The following ZBBX variants were observed in gnomAD, a reference collection of about 807,000 sequenced individuals.
ZBBX encodes the protein zinc finger B-box domain-containing protein 1.
In ZBBX, 101 loss-of-function variants were observed where a neutral mutation model predicts 108.5. The ratio of observed to expected loss-of-function variants is 0.93; its 90% CI spans 0.79 to 1.10. The LOEUF (loss-of-function observed/expected upper bound fraction) is 1.10. Ranked by LOEUF, ZBBX falls within the 50% of genes least tolerant of loss-of-function variation. The pLI is 0.00. For missense variants in ZBBX, 1,009 were observed against 941.4 expected, an observed-to-expected ratio of 1.07 and a Z score of -0.94; for synonymous variants, 356 against 323.4, an observed-to-expected ratio of 1.10 and a Z score of -1.08.
intron 17 of ZBBX, among the ~76,000 whole-genome samples, chr3:167,303,063 T>G (rs1732998887): frequency 6.6e-6 from 1 of 152,198 alleles, no homozygotes; most frequent in Admixed American, 6.5e-5. Context: ...TCAGTGGTTT[T>G]GCTCAAAAGA....
chr3:167,288,950 C>A lies in ZBBX; in HGVS notation c.1913G>T (p.Ser638Ile). 6.5e-7 allele frequency: 1 copy of A among 1,543,016 alleles called. No homozygotes were observed. The highest frequency in any genetic ancestry group is 8.8e-7 in the Non-Finnish European group (1 of 1,141,990). ...GACAATTGCATTATCAGCATATTCA[C>A]TTAAGCTATGGTCTGGAATCCATTC... is the stretch of plus-strand genomic sequence containing the variant. ...DREWIPDHSL[S>I]EYADNAIVLG... Residue 638 changes from serine (S) to isoleucine (I), a missense_variant, in exon 19 of 22, where the codon AGT becomes ATT. Coordinates refer to ENST00000675490, the MANE Select transcript of ZBBX (RefSeq NM_001199201.2).
At chr3:167,252,489 C>CT (rs1222656681) in intron 20 of ZBBX, among the ~76,000 whole-genome samples, 1 of 151,930 alleles carries the variant, frequency 6.6e-6, no homozygotes, top group Non-Finnish European at 1.5e-5. Flanking sequence ...TGTCACCTCA[C>CT]TGACTGTTGG....
At chr3:167,267,242 A>G (rs1285854189) in intron 20 of ZBBX, among the ~76,000 whole-genome samples, 1 of 152,150 alleles carries the variant, frequency 6.6e-6, no homozygotes. Context: ...GACCTGAAAT[A>G]TTTCTGCAAG....
At chr3:167,390,982 C>G (rs1289131395) in intron 1 of ZBBX, among the ~76,000 whole-genome samples, 2 of 152,072 alleles carry the variant, frequency 1.3e-5, no homozygotes, top group African/African-American at 2.4e-5. Flanking sequence ...TTATTTCTTT[C>G]TCTTGCCTGA....
chr3:167,294,641 G>C (rs987016652), intron 18 of ZBBX, among the ~76,000 whole-genome samples: 2 of 151,960 alleles, frequency 1.3e-5, no homozygotes, highest in African/African-American at 2.4e-5. Flanking sequence ...ATGGGCAAAG[G>C]CTTCATGACT....
intron 20 of ZBBX, among the ~76,000 whole-genome samples, chr3:167,248,191 C>A (rs1260499676): frequency 6.6e-6 from 1 of 152,166 alleles, no homozygotes; most frequent in East Asian, 1.9e-4. Flanking sequence ...GGCATGCCAG[C>A]AGCAGGCAAA....
At chr3:167,193,307 G>T in the ZBBX span, among the ~76,000 whole-genome samples, 2 of 152,158 alleles carry the variant, frequency 1.3e-5, no homozygotes, top group African/African-American at 4.8e-5. Context: ...GTGTGGGAAG[G>T]CTGTGTGGTA....
chr3:167,391,629 T>C (rs1274911380), intron 1 of ZBBX, among the ~76,000 whole-genome samples: 1 of 151,984 alleles, frequency 6.6e-6, no homozygotes, highest in African/African-American at 2.4e-5. Context: ...CTTTTTTTGG[T>C]TGGTAGGCTG....
In ZBBX at chr3:167,277,784, A is replaced by T. The variant is rs1727906272; in HGVS notation, c.2254+4454T>A. Among the ~76,000 whole-genome samples the T allele has an allele frequency of 2.6e-5, 4 of 152,186 alleles. No individual in the cohort carries two copies. The South Asian group carries it at 8.3e-4, about 32-fold the overall frequency. On this transcript the variant is annotated intron_variant, in intron 20 of 21. Transcript: ENST00000675490. ...TCTACAGAACTCTCTACCCCAAATC[A>T]ACAGAATATACATTTTTTTCAGCAC... is the stretch of plus-strand genomic sequence containing the variant.
At chr3:167,384,708 C>G (rs1181388229), upstream of ZBBX, among the ~76,000 whole-genome samples, 1 of 151,846 alleles carries the variant, frequency 6.6e-6, no homozygotes, top group Non-Finnish European at 1.5e-5. Flanking sequence ...TAAAATAGAC[C>G]AATATAAAAC....
At chr3:167,291,915 T>C (rs1029147332) in intron 18 of ZBBX, among the ~76,000 whole-genome samples, 3 of 152,154 alleles carry the variant, frequency 2.0e-5, no homozygotes, top group Non-Finnish European at 2.9e-5. Flanking sequence ...TCCTAGTCTG[T>C]AATAAAACAG....
chr3:167,221,791 TG>T, the ZBBX span, among the ~76,000 whole-genome samples: 1 of 151,852 alleles, frequency 6.6e-6, no homozygotes, highest in Admixed American at 6.6e-5. Flanking sequence ...GACATACATA[TG>T]GCAAAAAGTT....
chr3:167,315,671 A>G, intron 15 of ZBBX, 79 bp downstream of exon 15: 1 of 1,045,294 alleles, frequency 9.6e-7, no homozygotes, highest in South Asian at 1.5e-5. Context: ...CATATTTCAC[A>G]TTTAAAAAGA....
rs1742433279 is a variant in ZBBX at position 167,350,469 on chromosome 3, T to C, written c.479A>G (p.Lys160Arg). The C allele has an allele frequency of 6.3e-7, 1 of 1,597,400 alleles. No homozygotes were observed. Among genetic ancestry groups the C allele is most frequent in the Non-Finnish European group, 8.6e-7 (1 of 1,169,588 alleles). Residue 160 changes from lysine to arginine, a missense_variant, in exon 9 of 22, where the codon AAA (lysine) becomes AGA (arginine). Transcript: ENST00000675490. ...GEDYCSGCFAKVHQKGALKLH... is the reference protein window; with the variant it reads ...GEDYCSGCFARVHQKGALKLH... ...CTTTAGTGCCCCTTTCTGGTGAACT[T>C]TAGCAAAGCATCCTGAACAATAATC...
intron 17 of ZBBX, among the ~76,000 whole-genome samples, chr3:167,302,304 T>C (rs974927565): frequency 4.6e-5 from 7 of 152,168 alleles, no homozygotes; most frequent in African/African-American, 1.4e-4. Context: ...TACCATGTGG[T>C]TTTGTCCATT....
chr3:167,406,197 G>C (rs1325082344), intron 1 of ZBBX, among the ~76,000 whole-genome samples: 3 of 152,154 alleles, frequency 2.0e-5, no homozygotes, highest in Admixed American at 6.5e-5. Flanking sequence ...AAGCAGTACT[G>C]TCTGTGTGAA....
intron 20 of ZBBX, among the ~76,000 whole-genome samples, chr3:167,251,099 G>A (rs1207121620): frequency 6.6e-6 from 1 of 152,196 alleles, no homozygotes; most frequent in African/African-American, 2.4e-5. Context: ...CCAGCAGGAT[G>A]GGGTGGAGTT....
At chr3:167,279,169 C>T (rs1366628847) in intron 20 of ZBBX, among the ~76,000 whole-genome samples, 1 of 152,098 alleles carries the variant, frequency 6.6e-6, no homozygotes, top group Non-Finnish European at 1.5e-5. Flanking sequence ...AAACTGGAAG[C>T]ATTCCCTTTG....
chr3:167,301,582 C>T (rs1038966982), intron 17 of ZBBX, among the ~76,000 whole-genome samples: 3 of 152,080 alleles, frequency 2.0e-5, no homozygotes, highest in Admixed American at 2.0e-4. Context: ...TGAGTTTCAT[C>T]CTATACATTA....
Sources: gnomAD v4.1 joint callset for allele counts (sites outside exome capture counted in the v4.1 genomes callset) on GRCh38, gnomAD v4.1.1 for gene constraint, MANE v1.5 for transcripts, NCBI Gene and HGNC (gene_info 2026-07-23, HGNC 2026-07-21) for gene names.